The following MYO9A variants were observed in gnomAD, a reference collection of about 807,000 sequenced individuals.
The protein encoded by MYO9A is unconventional myosin-IXa.
A neutral mutation model predicts 293.3 loss-of-function variants in MYO9A; 103 were observed. The ratio of observed to expected loss-of-function variants is 0.35; its 90% CI spans 0.30 to 0.41. MYO9A has a LOEUF of 0.41. Among genes scored for constraint, MYO9A ranks in the 10% least tolerant of loss-of-function variants. MYO9A has a pLI of 1.00. For missense variants in MYO9A, 2,685 were observed against 3,033.0 expected, an observed-to-expected ratio of 0.89 and a Z score of 2.69; for synonymous variants, 1,001 against 1,035.7, an observed-to-expected ratio of 0.97 and a Z score of 0.64.
intron 3 of MYO9A, 134 bp from the exon 4 acceptor site, chr15:72,027,927 G>A (rs987881931): frequency 1.1e-5 from 7 of 634,604 alleles, no homozygotes; most frequent in African/African-American, 3.7e-5. Flanking sequence ...GCCGGGCGAG[G>A]TGGCTCACAC....
chr15:72,066,496 A>G (rs1393254316), intron 1 of MYO9A, among the ~76,000 whole-genome samples: 12 of 151,346 alleles, frequency 7.9e-5, no homozygotes, highest in Admixed American at 1.3e-4. Flanking sequence ...AAAAAAAAAA[A>G]AAAGAAAGAA....
chr15:72,103,506 C>CAGCAGAAGCAGTGGA, intron 1 of MYO9A, among the ~76,000 whole-genome samples: 1 of 141,708 alleles, frequency 7.1e-6, no homozygotes, highest in Non-Finnish European at 1.5e-5. Flanking sequence ...GAAGCAGTGG[C>CAGCAGAAGCAGTGGA]AGCAGAAGCA....
chr15:72,030,683 C>A (rs1596419708), intron 3 of MYO9A, among the ~76,000 whole-genome samples: 1 of 152,048 alleles, frequency 6.6e-6, no homozygotes, highest in East Asian at 1.9e-4. Context: ...GCCACCACAC[C>A]TGGCTAATTT....
intron 1 of MYO9A, among the ~76,000 whole-genome samples, chr15:72,086,155 C>T (rs2079717904): frequency 6.6e-6 from 1 of 152,192 alleles, no homozygotes; most frequent in South Asian, 2.1e-4. Flanking sequence ...CACTTGTCAG[C>T]TGTGGCAGTG....
chr15:72,080,261 T>C (rs929314639), intron 1 of MYO9A, among the ~76,000 whole-genome samples: 37 of 150,326 alleles, frequency 2.5e-4, no homozygotes, highest in African/African-American at 9.0e-4. Flanking sequence ...TATTATGATA[T>C]AAAATCAACT....
At chr15:71,876,781 C>G (rs1596085481) in intron 31 of MYO9A, among the ~76,000 whole-genome samples, 1 of 152,174 alleles carries the variant, frequency 6.6e-6, no homozygotes, top group African/African-American at 2.4e-5. Flanking sequence ...TAGAAAACTA[C>G]CATGGAGCTA....
intron 13 of MYO9A, among the ~76,000 whole-genome samples, chr15:71,963,515 C>T (rs2075795468): frequency 6.6e-6 from 1 of 152,134 alleles, no homozygotes; most frequent in Non-Finnish European, 1.5e-5. Context: ...ATGGCTTGAT[C>T]TTGGCTCACC....
chr15:71,922,188 A>G (rs2058174275), intron 18 of MYO9A, among the ~76,000 whole-genome samples: 1 of 152,186 alleles, frequency 6.6e-6, no homozygotes, highest in South Asian at 2.1e-4. Flanking sequence ...CATGTTGCCC[A>G]GGCTGGTCTC....
In MYO9A at chr15:71,826,981, G is replaced by A. The variant is rs148998005; in HGVS notation, c.7246C>T (p.Arg2416Ter). Residue 2416 changes from arginine to a stop codon, truncating the protein, a stop_gained, in exon 42 of 42, where the codon CGA (arginine) becomes TGA (stop). Transcript: ENST00000356056. LOFTEE classifies it high-confidence loss of function. Reference protein sequence around the residue: ...AGKSEPSSKLRKQLKKQQDSL... With the variant: ...AGKSEPSSKL ...TCTTGCTGCTTTTTAAGTTGCTTTC[G>A]CAACTTGCTGGAAGGTTCAGACTTG... The A allele has an allele frequency of 1.2e-5, 20 of 1,613,064 alleles. No individual in the cohort carries two copies. Among genetic ancestry groups the A allele is most frequent in the East Asian group, 4.5e-5 (2 of 44,888 alleles).
chr15:71,981,110 T>C (rs952869958), intron 11 of MYO9A, among the ~76,000 whole-genome samples: 1 of 152,220 alleles, frequency 6.6e-6, no homozygotes, highest in Non-Finnish European at 1.5e-5. Context: ...TTCAGTTAAA[T>C]GTAAAGCACA....
chr15:71,998,754 G>A (rs1468159524), intron 9 of MYO9A, among the ~76,000 whole-genome samples: 1 of 151,086 alleles, frequency 6.6e-6, no homozygotes, highest in African/African-American at 2.5e-5. Flanking sequence ...ACAGTCCCCA[G>A]AGTGTGATGT....
At position 71,875,791 on chromosome 15, in the gene MYO9A, C is replaced by T; in HGVS notation, c.5979G>A (p.Leu1993=). Residue 1993 remains leucine, a splice_region_variant and synonymous_variant, in exon 32 of 42, where the codon TTG becomes TTA. Coordinates refer to ENST00000356056, the MANE Select transcript of MYO9A (RefSeq NM_006901.4). Reference sequence around the variant, plus strand: ...ATTTAAAAAACAGATTATAACTTACCAAATCAGTTTCCTTTTTCCTTCTTT... The same window carrying T: ...ATTTAAAAAACAGATTATAACTTACTAAATCAGTTTCCTTTTTCCTTCTTT... The part of the protein sequence containing the change: ...RKKRRKKETD[L]VEEHNGHIFK... The T allele has an allele frequency of 1.5e-6, 2 of 1,355,692 alleles. No individual in the cohort carries two copies. Among genetic ancestry groups the T allele is most frequent in the Non-Finnish European group, 1.9e-6 (2 of 1,040,772 alleles). The allele number at this position is 1,355,692 out of a possible 1,614,324, so 84.0% of individuals were successfully genotyped here. A position where few individuals can be genotyped will look rare whatever the true frequency, so the allele number is the denominator to read the frequency against.
chr15:71,880,263 G>T, intron 29 of MYO9A, 72 bp downstream of exon 29: 1 of 1,279,260 alleles, frequency 7.8e-7, no homozygotes. Flanking sequence ...TATCTAGAGA[G>T]TATATCCTGA....
intron 1 of MYO9A, among the ~76,000 whole-genome samples, chr15:72,110,455 A>G (rs903961735): frequency 4.0e-5 from 6 of 151,200 alleles, no homozygotes; most frequent in Admixed American, 6.6e-5. Flanking sequence ...AAAAAAAAAA[A>G]AAAGAAAATT....
rs2054370267 is a variant in MYO9A at position 71,824,054 on chromosome 15, A to G, written c.*2526T>C. ...TCAGGCCAACAAGGCCTACTACCCT[A>G]TGTAAACAACGGCTTTCCCTCAAAG... On this transcript the variant is annotated 3_prime_UTR_variant, in exon 42 of 42. Transcript: ENST00000356056. 6.6e-6 allele frequency: 1 copy of G among 152,166 alleles called. No individual in the cohort carries two copies. Among genetic ancestry groups the G allele is most frequent in the Non-Finnish European group, 1.5e-5 (1 of 68,044 alleles). The allele number at this position is 152,166 out of a possible 1,614,324, so 9.4% of individuals were successfully genotyped here.
At chr15:71,861,896 C>T (rs2056150684) in intron 33 of MYO9A, among the ~76,000 whole-genome samples, 1 of 152,074 alleles carries the variant, frequency 6.6e-6, no homozygotes. Flanking sequence ...CACTTTAGGC[C>T]AAGGCGGGAG....
chr15:72,094,407 G>C lies in MYO9A; in HGVS notation c.-72+23273C>G, dbSNP rs2080013273. Among the ~76,000 whole-genome samples, 2 of 91,204 alleles carry C rather than the reference G, an allele frequency of 2.2e-5. 1 individual carries two copies. Among genetic ancestry groups the C allele is most frequent in the Non-Finnish European group, 6.6e-5 (2 of 30,198 alleles). 59.8% of individuals were successfully genotyped at this position (91,204 alleles called of 152,430 possible). A position where few individuals can be genotyped will look rare whatever the true frequency, so the allele number is the denominator to read the frequency against. On this transcript the variant is annotated intron_variant, in intron 1 of 41. Coordinates refer to ENST00000356056, the MANE Select transcript of MYO9A (RefSeq NM_006901.4). ...AAGGTTTGTGGCAACCCTGTGTCAA[G>C]TAAGTCAACAGGTGCCATCTTCTAA...
At chr15:71,876,218 C>T (rs1222357302) in intron 31 of MYO9A, among the ~76,000 whole-genome samples, 3 of 148,988 alleles carry the variant, frequency 2.0e-5, no homozygotes, top group East Asian at 2.0e-4. Flanking sequence ...GCAGTCTAGG[C>T]TCACTGCAAC....
intron 14 of MYO9A, among the ~76,000 whole-genome samples, chr15:71,955,572 A>AG (rs2059158018): frequency 6.6e-6 from 1 of 152,170 alleles, no homozygotes; most frequent in Non-Finnish European, 1.5e-5. Flanking sequence ...ACATGGTAGG[A>AG]GTATATCACA....
Sources: allele counts gnomAD v4.1 joint callset (sites outside exome capture counted in the v4.1 genomes callset), GRCh38; gene constraint gnomAD v4.1.1; transcripts MANE v1.5; gene names NCBI Gene and HGNC (gene_info 2026-07-23, HGNC 2026-07-21).